C2CD3: variants seen among roughly 807,000 people sequenced by gnomAD.
The protein encoded by C2CD3 is C2 domain containing 3 centriole elongation regulator, also known as C2 domain-containing protein 3.
C2CD3 carries 148 observed loss-of-function variants against 234.0 expected under a neutral mutation model. That is an observed-to-expected ratio of 0.63 (90% CI 0.55 to 0.72). The LOEUF (loss-of-function observed/expected upper bound fraction) is 0.72. C2CD3 is among the 30% of genes least tolerant of loss of function. The probability of loss-of-function intolerance (pLI) is 0.00; values close to 1 mark genes in which losing one functional copy is unlikely to be tolerated. For missense variants in C2CD3, 2,577 were observed against 2,811.5 expected (o/e 0.92, Z 1.89); for synonymous variants, 1,000 against 1,035.4 (o/e 0.97, Z 0.66).
intron 29 of C2CD3, among the ~76,000 whole-genome samples, chr11:74,041,274 T>C (rs1239148476): frequency 6.6e-6 from 1 of 152,242 alleles, no homozygotes; most frequent in Admixed American, 6.5e-5. Flanking sequence ...TTCACCCTGC[T>C]TCTTGCATCT....
intron 3 of C2CD3, among the ~76,000 whole-genome samples, chr11:74,152,961 C>G (rs1012931497): frequency 1.3e-5 from 2 of 152,182 alleles, no homozygotes; most frequent in African/African-American, 4.8e-5. Flanking sequence ...GACATGATGG[C>G]TCTCCTCTAA....
In C2CD3 at chr11:74,127,299, G is replaced by T. The variant is rs138966417; in HGVS notation, c.1218-4164C>A. Among the ~76,000 whole-genome samples, 8 of 152,244 alleles carry T rather than the reference G, an allele frequency of 5.3e-5. No individual in the cohort carries two copies. The East Asian group carries it at 1.5e-3, about 29-fold the overall frequency. On this transcript the variant is annotated intron_variant, in intron 7 of 32. Transcript: ENST00000334126. ...AGGTGTGAGCTACCACACTGCGCCC[G>T]GCCTGGCTTCTTTCAATTAGCATGT...
At chr11:74,128,597 G>A (rs1053401634) in intron 7 of C2CD3, 1 of 151,792 alleles carries the variant, frequency 6.6e-6, no homozygotes, top group African/African-American at 2.4e-5. Context: ...TCGCAGAGGG[G>A]GATTTGGCAG....
chr11:74,143,357 A>T (rs1245306826), intron 3 of C2CD3, among the ~76,000 whole-genome samples: 1 of 151,884 alleles, frequency 6.6e-6, no homozygotes, highest in African/African-American at 2.4e-5. Context: ...AATGCTTATT[A>T]TTTTTTAAAT....
chr11:74,117,361 A>AATATATATATATATATATATAT lies in C2CD3; in HGVS notation c.1520+845_1520+866dup, dbSNP rs71469494. 1.9e-3 allele frequency among the ~76,000 whole-genome samples: 182 copies of AATATATATATATATATATATAT among 94,806 alleles called. 1 individual carries two copies. The highest frequency in any genetic ancestry group is 3.8e-3 in the African/African-American group (94 of 24,618). 62.2% of individuals were successfully genotyped at this position (94,806 alleles called of 152,430 possible). ...ACATCGTCTAAGTCATTTGGCCTCA[A>AATATATATATATATATATATAT]ATATATATATATATATATATATATA... is the stretch of plus-strand genomic sequence containing the variant. On this transcript the variant is annotated intron_variant, in intron 9 of 32. Coordinates refer to ENST00000334126, the MANE Select transcript of C2CD3 (RefSeq NM_001286577.2).
chr11:74,142,558 G>A (rs1435111764), intron 3 of C2CD3, among the ~76,000 whole-genome samples: 5 of 152,148 alleles, frequency 3.3e-5, no homozygotes, highest in Admixed American at 3.3e-4. Context: ...GTATGGGAAT[G>A]CTAAGAAGGG....
intron 3 of C2CD3, among the ~76,000 whole-genome samples, chr11:74,160,505 C>T (rs1856385432): frequency 6.6e-6 from 1 of 152,052 alleles, no homozygotes; most frequent in Non-Finnish European, 1.5e-5. Context: ...AAATATTATA[C>T]TGCATAATCT....
At chr11:74,116,646 A>G (rs999180250) in intron 9 of C2CD3, among the ~76,000 whole-genome samples, 1 of 151,920 alleles carries the variant, frequency 6.6e-6, no homozygotes, top group Non-Finnish European at 1.5e-5. Flanking sequence ...GAGGAAAAGA[A>G]GTCACTATAT....
chr11:74,041,915 T>C (rs749698527), intron 29 of C2CD3, 139 bp downstream of exon 29: 111 of 769,778 alleles, frequency 1.4e-4, no homozygotes, highest in Non-Finnish European at 2.0e-4. Flanking sequence ...TCCAACCTGA[T>C]ACTAACATGC....
At position 74,097,661 on chromosome 11, in the gene C2CD3, G is replaced by A. The variant is rs533747114; in HGVS notation, c.2979+348C>T. Among the ~76,000 whole-genome samples, 3 of 152,270 alleles carry A rather than the reference G, an allele frequency of 2.0e-5. No individual in the cohort carries two copies. The South Asian group carries it at 6.2e-4, about 32-fold the overall frequency. On this transcript the variant is annotated intron_variant, in intron 16 of 32. Coordinates refer to ENST00000334126, the MANE Select transcript of C2CD3 (RefSeq NM_001286577.2). ...CACTTCACAATGACTTTCCAGCATG[G>A]GCTCAGCCAATAAGCAGAGTAAGAT...
rs528887013 is a variant in C2CD3 at position 74,080,141 on chromosome 11, T to A, written c.4001-1424A>T. 1.7e-4 allele frequency among the ~76,000 whole-genome samples: 26 copies of A among 152,336 alleles called. No homozygotes were observed. The East Asian group carries it at 2.9e-3, about 17-fold the overall frequency. On this transcript the variant is annotated intron_variant, in intron 22 of 32. Coordinates refer to ENST00000334126, the MANE Select transcript of C2CD3 (RefSeq NM_001286577.2). ...GGGTCTTTCAGATTTTGGCATTATA[T>A]AAAACATTGTGGAATGATAATATTC...
intron 3 of C2CD3, among the ~76,000 whole-genome samples, chr11:74,153,497 C>T (rs965168428): frequency 7.2e-5 from 11 of 152,162 alleles, no homozygotes; most frequent in Admixed American, 4.6e-4. Flanking sequence ...AAAGTATATG[C>T]AAGCCTGCAT....
intron 13 of C2CD3, among the ~76,000 whole-genome samples, chr11:74,105,790 G>A (rs937938214): frequency 3.9e-5 from 6 of 152,076 alleles, no homozygotes; most frequent in Non-Finnish European, 5.9e-5. Context: ...CTGGACTAAT[G>A]CCACAGCCCA....
chr11:74,114,629 C>CTTGTG, intron 9 of C2CD3, 36 bp from the exon 10 acceptor site: 2 of 1,301,776 alleles, frequency 1.5e-6, no homozygotes, highest in Non-Finnish European at 2.2e-6. Context: ...AGGCATACTG[C>CTTGTG]TACAGGCTTC....
chr11:74,023,900 T>C (rs947275601), intron 32 of C2CD3, among the ~76,000 whole-genome samples: 6 of 152,244 alleles, frequency 3.9e-5, no homozygotes, highest in Admixed American at 1.3e-4. Context: ...TAATGACATA[T>C]GATTATGTGA....
intron 7 of C2CD3, among the ~76,000 whole-genome samples, chr11:74,124,967 A>T (rs1957360265): frequency 6.6e-6 from 1 of 152,218 alleles, no homozygotes; most frequent in Non-Finnish European, 1.5e-5. Flanking sequence ...CTTGGCCATA[A>T]AATAAGCCTA....
At chr11:74,137,703 G>A (rs945663016) in intron 5 of C2CD3, among the ~76,000 whole-genome samples, 1 of 151,846 alleles carries the variant, frequency 6.6e-6, no homozygotes, top group Non-Finnish European at 1.5e-5. Context: ...TCCTGCCTCA[G>A]CCTCCTGAGT....
intron 7 of C2CD3, chr11:74,130,113 C>A (rs1026158317): frequency 3.7e-5 from 1 of 27,266 alleles, no homozygotes; most frequent in East Asian, 8.6e-4. Flanking sequence ...AGAGGGAGAC[C>A]GTGGGGAGGG....
At chr11:74,129,020 C>T (rs1957525307) in intron 7 of C2CD3, 1 of 258,382 alleles carries the variant, frequency 3.9e-6, no homozygotes, top group Admixed American at 4.9e-5. Context: ...TTCCACAAAA[C>T]CGCCATTGTC....
Sources: allele counts gnomAD v4.1 joint callset (sites outside exome capture counted in the v4.1 genomes callset), GRCh38; gene constraint gnomAD v4.1.1; transcripts MANE v1.5; gene names NCBI Gene and HGNC (gene_info 2026-07-23, HGNC 2026-07-21).